Variants in NBPF10 observed in about 807,000 individuals in gnomAD.
NBPF10 encodes the protein NBPF member 10.
A neutral mutation model predicts 77.9 loss-of-function variants in NBPF10; 63 were observed. The ratio of observed to expected loss-of-function variants is 0.81; its 90% CI spans 0.66 to 1.00. NBPF10 has a LOEUF of 1.00. Among genes scored for constraint, NBPF10 ranks in the 50% least tolerant of loss-of-function variants. The probability of loss-of-function intolerance (pLI) is 0.00; values close to 1 mark genes in which losing one functional copy is unlikely to be tolerated. For synonymous variants in NBPF10, 146 were observed against 264.5 expected (o/e 0.55, Z 4.35); for missense variants, 522 against 679.8 (o/e 0.77, Z 2.58).
At chr1:146,081,020 C>CAA (rs1656261806) in intron 71 of NBPF10, among the ~76,000 whole-genome samples, 1 of 80,296 alleles carries the variant, frequency 1.2e-5, no homozygotes, top group African/African-American at 3.3e-5. Context: ...CACACACACA[C>CAA]ACACACACAC....
At chr1:146,138,973 G>A (rs1173958279) in intron 5 of NBPF10, among the ~76,000 whole-genome samples, 29 of 135,898 alleles carry the variant, frequency 2.1e-4, no homozygotes, top group Admixed American at 1.9e-3. Context: ...TAGTAGAGAC[G>A]GGGTTTCGCC....
At position 146,126,223 on chromosome 1, in the gene NBPF10, G is replaced by T. The variant is rs782545395; in HGVS notation, c.2026+13C>A. ...TCAGTGGATCCTTATCACCTTCATA[G>T]AAAGGTACTCACCATCCATGTCAAT... On this transcript the variant is annotated intron_variant, in intron 14 of 89. Transcript: ENST00000583866. The T allele has an allele frequency of 7.6e-6, 12 of 1,574,446 alleles. No homozygotes were observed. The highest frequency in any genetic ancestry group is 2.2e-5 in the East Asian group (1 of 44,666).
exon 90 of NBPF10, chr1:146,064,830 GATTAAA>G (rs1320525396): frequency 2.0e-5 from 1 of 49,608 alleles, no homozygotes; most frequent in Non-Finnish European, 4.1e-5. Flanking sequence ...TAATTGTATA[GATTAAA>G]ATTAACTTTG....
intron 2 of NBPF10, among the ~76,000 whole-genome samples, chr1:146,142,413 A>G (rs1395366816): frequency 3.7e-5 from 5 of 134,582 alleles, no homozygotes; most frequent in Admixed American, 7.4e-5. Context: ...TGTTATGTAA[A>G]TTTCACATCA....
chr1:146,069,904 A>C (rs1655655290), intron 85 of NBPF10, among the ~76,000 whole-genome samples, 189 bp from the exon 86 acceptor site: 2 of 111,806 alleles, frequency 1.8e-5, no homozygotes, highest in African/African-American at 6.8e-5. Flanking sequence ...AAAGAGAAAG[A>C]CAGACAGAGA....
At chr1:146,069,715 C>T (rs1488703632) in exon 86 of NBPF10, 27 of 796,986 alleles carry the variant, frequency 3.4e-5, no homozygotes, top group Non-Finnish European at 5.4e-5. Context: ...CCCTGCTGAG[C>T]CTGGAAAAGT....
chr1:146,067,979 T>A (rs781942553), intron 88 of NBPF10, 24 bp downstream of exon 88: 1 of 561,816 alleles, frequency 1.8e-6, no homozygotes, highest in Non-Finnish European at 3.1e-6. Context: ...TGGAGGCTTA[T>A]CACCTTCACA....
intron 15 of NBPF10, 71 bp downstream of exon 15, chr1:146,125,394 C>G (rs587625009): frequency 1.5e-4 from 41 of 271,542 alleles, no homozygotes; most frequent in Non-Finnish European, 3.9e-5. Flanking sequence ...TGAACACACT[C>G]TTGTTTTCCC....
At chr1:146,067,970 G>C in intron 88 of NBPF10, 33 bp downstream of exon 88, 1 of 578,056 alleles carries the variant, frequency 1.7e-6, no homozygotes, top group Non-Finnish European at 3.0e-6. Flanking sequence ...AAGACCAGGT[G>C]GAGGCTTATC....
At chr1:146,067,093 A>T in intron 89 of NBPF10, 87 bp downstream of exon 89, 2 of 615,974 alleles carry the variant, frequency 3.2e-6, no homozygotes, top group Non-Finnish European at 2.9e-6. Flanking sequence ...CGTTGAAAAC[A>T]TGTCATCAAA....
At chr1:146,123,477 C>CACACA (rs1658318229) in intron 17 of NBPF10, among the ~76,000 whole-genome samples, 199 bp from the exon 18 acceptor site, 2 of 37,412 alleles carry the variant, frequency 5.3e-5, no homozygotes, top group African/African-American at 2.1e-4. Flanking sequence ...GACAGATAGA[C>CACACA]ACACACACAC....
chr1:146,143,899 G>T (rs1425117055), intron 1 of NBPF10, among the ~76,000 whole-genome samples: 3 of 150,434 alleles, frequency 2.0e-5, no homozygotes, highest in African/African-American at 7.3e-5. Context: ...ACAGTTGCCC[G>T]CCACGATGCC....
At chr1:146,126,305 A>C (rs782809264) in exon 14 of NBPF10, 1 of 1,565,524 alleles carries the variant, frequency 6.4e-7, no homozygotes, top group Non-Finnish European at 8.8e-7. Context: ...TAGGGCTGGC[A>C]TGAGTCAGTC....
intron 86 of NBPF10, 108 bp downstream of exon 86, chr1:146,069,435 C>G: frequency 5.4e-6 from 3 of 555,800 alleles, no homozygotes; most frequent in South Asian, 1.7e-5. Context: ...ATAGGTCCTC[C>G]CTGTGGCAAT....
chr1:146,124,592 C>A (rs1658413339), intron 16 of NBPF10, 96 bp downstream of exon 16: 1 of 49,702 alleles, frequency 2.0e-5, no homozygotes, highest in Admixed American at 3.9e-4. Context: ...GCGGCAATGA[C>A]GTCTCTCGGG....
intron 6 of NBPF10, among the ~76,000 whole-genome samples, chr1:146,136,725 C>T (rs587768881): frequency 6.6e-4 from 96 of 144,424 alleles, no homozygotes; most frequent in South Asian, 2.2e-3. Context: ...TCAGAATTCA[C>T]AGTCCCTGAG....
At chr1:146,142,654 G>C (rs75821470) in exon 2 of NBPF10, 1 of 1,340,818 alleles carries the variant, frequency 7.5e-7, no homozygotes, top group Admixed American at 1.9e-5. Context: ...CCTCACCTGA[G>C]CTCCTCAGCT....
At chr1:146,126,287 C>T (rs1293782080) in exon 14 of NBPF10, 12 of 1,604,714 alleles carry the variant, frequency 7.5e-6, no homozygotes, top group Middle Eastern at 2.2e-4. Flanking sequence ...ATGTAAAAGG[C>T]ACTTCTGTAG....
At position 146,069,526 on chromosome 1, in the gene NBPF10, C is replaced by T. The variant is rs1377893740; in HGVS notation, c.10810+17G>A. ...AGACTCAGTGGATCCTTATCACCTT[C>T]ATAGAAAGGTACTCACCATCCATGT... On this transcript the variant is annotated intron_variant, in intron 86 of 89. Transcript: ENST00000583866. 3.8e-4 allele frequency: 333 copies of T among 882,076 alleles called. 1 individual carries two copies. Among genetic ancestry groups the T allele is most frequent in the Non-Finnish European group, 5.4e-4 (305 of 568,304 alleles). The allele number at this position is 882,076 out of a possible 1,614,324, so 54.6% of individuals were successfully genotyped here. A position where few individuals can be genotyped will look rare whatever the true frequency, so the allele number is the denominator to read the frequency against.
Sources: allele counts gnomAD v4.1 joint callset (sites outside exome capture counted in the v4.1 genomes callset), GRCh38; gene constraint gnomAD v4.1.1; transcripts MANE v1.5; gene names NCBI Gene and HGNC (gene_info 2026-07-23, HGNC 2026-07-21).